ELOVL6: variants seen among roughly 807,000 people sequenced by gnomAD.
ELOVL6 encodes the protein very long chain fatty acid elongase 6.
In ELOVL6, 8 loss-of-function variants were observed where a neutral mutation model predicts 31.7. The ratio of observed to expected loss-of-function variants is 0.25; its 90% CI spans 0.15 to 0.45. ELOVL6 has a LOEUF of 0.45. Among genes scored for constraint, ELOVL6 ranks in the 20% least tolerant of loss-of-function variants. The pLI is 1.00. For synonymous variants in ELOVL6, 101 were observed against 117.7 expected, an observed-to-expected ratio of 0.86 and a Z score of 0.92; for missense variants, 126 against 326.4, an observed-to-expected ratio of 0.39 and a Z score of 4.73.
intron 2 of ELOVL6, among the ~76,000 whole-genome samples, chr4:110,083,382 A>G (rs1403440910): frequency 6.6e-6 from 1 of 151,700 alleles, no homozygotes; most frequent in East Asian, 1.9e-4. Flanking sequence ...CAAGACCTAG[A>G]GAAGAACATA....
At chr4:110,137,342 C>G (rs370718739) in intron 1 of ELOVL6, among the ~76,000 whole-genome samples, 3 of 152,106 alleles carry the variant, frequency 2.0e-5, no homozygotes, top group Non-Finnish European at 4.4e-5. Flanking sequence ...AGTTCATCAT[C>G]GTGACTTACT....
intron 1 of ELOVL6, among the ~76,000 whole-genome samples, chr4:110,116,764 C>T (rs1467107491): frequency 6.6e-6 from 1 of 152,174 alleles, no homozygotes; most frequent in African/African-American, 2.4e-5. Context: ...TTTTATCCTT[C>T]CTCTCTTTTT....
chr4:110,181,608 AG>A (rs894364894), intron 1 of ELOVL6, among the ~76,000 whole-genome samples: 1 of 112,518 alleles, frequency 8.9e-6, no homozygotes, highest in Non-Finnish European at 1.7e-5. Context: ...GATCAACTAC[AG>A]GGTTAACTAA....
At chr4:110,168,484 A>G (rs1285895962) in intron 1 of ELOVL6, among the ~76,000 whole-genome samples, 1 of 151,844 alleles carries the variant, frequency 6.6e-6, no homozygotes, top group Non-Finnish European at 1.5e-5. Flanking sequence ...GTGCCATTGT[A>G]CTCCAGCCTG....
chr4:110,067,541 A>G (rs1002951558), intron 2 of ELOVL6, among the ~76,000 whole-genome samples: 1 of 152,198 alleles, frequency 6.6e-6, no homozygotes, highest in Non-Finnish European at 1.5e-5. Context: ...AGAAGCAAAC[A>G]TGTCCTTCTT....
In ELOVL6 at chr4:110,134,968, G is replaced by T. The variant is rs377190197; in HGVS notation, c.90-29340C>A. Among the ~76,000 whole-genome samples the T allele has an allele frequency of 9.2e-5, 14 of 152,186 alleles. No individual in the cohort carries two copies. In the South Asian group the frequency reaches 2.3e-3, roughly 25 times the overall value. On this transcript the variant is annotated intron_variant, in intron 1 of 3. Coordinates refer to ENST00000302274, the MANE Select transcript of ELOVL6 (RefSeq NM_024090.3). Reference sequence around the variant, plus strand: ...AGGCCCTGTCTCCAGAAAAAAAAGTGATGATGTAGGACATAAGGTGGAAGA... The same window carrying T: ...AGGCCCTGTCTCCAGAAAAAAAAGTTATGATGTAGGACATAAGGTGGAAGA...
chr4:110,059,866 A>G, intron 2 of ELOVL6, 112 bp from the exon 3 acceptor site: 2 of 859,880 alleles, frequency 2.3e-6, no homozygotes, highest in African/African-American at 1.7e-5. Flanking sequence ...CATAAGAATC[A>G]TATTATTTGT....
intron 2 of ELOVL6, among the ~76,000 whole-genome samples, chr4:110,082,627 G>T (rs1755899470): frequency 1.3e-5 from 2 of 152,066 alleles, no homozygotes. Flanking sequence ...GTAGCATTAG[G>T]AGATATACCT....
Position 110,051,284 on chromosome 4 carries a change from G to C in ELOVL6, c.*54C>G. 1 of 1,548,374 alleles carries C rather than the reference G, an allele frequency of 6.5e-7. No homozygotes were observed. The highest frequency in any genetic ancestry group is 1.4e-5 in the African/African-American group (1 of 73,264). On this transcript the variant is annotated 3_prime_UTR_variant, in exon 4 of 4. Coordinates refer to ENST00000302274, the MANE Select transcript of ELOVL6 (RefSeq NM_024090.3). The surrounding 1 kb of genome is among the most constrained non-coding windows in gnomAD (Gnocchi z 4.8). ...GTGATTCCTTGTGCCATTTTCTTTTGTCTATTATTTTTCTTGATGACCCTG... is the reference window on the plus strand; with the variant it reads ...GTGATTCCTTGTGCCATTTTCTTTTCTCTATTATTTTTCTTGATGACCCTG...
intron 1 of ELOVL6, among the ~76,000 whole-genome samples, chr4:110,149,517 C>T (rs1012932389): frequency 6.6e-6 from 1 of 152,142 alleles, no homozygotes; most frequent in African/African-American, 2.4e-5. Context: ...TTAAGTGAAA[C>T]AATTCAGACA....
At chr4:110,062,207 TTGATATCA>T (rs560501301) in intron 2 of ELOVL6, among the ~76,000 whole-genome samples, 1 of 152,240 alleles carries the variant, frequency 6.6e-6, no homozygotes, top group Non-Finnish European at 1.5e-5. Flanking sequence ...GTTGAAGGTT[TTGATATCA>T]TGGTGACCTA....
At chr4:110,113,690 T>C (rs1183036412) in intron 1 of ELOVL6, among the ~76,000 whole-genome samples, 1 of 152,238 alleles carries the variant, frequency 6.6e-6, no homozygotes, top group Non-Finnish European at 1.5e-5. Context: ...ATTTCTAGTT[T>C]CTGTTTTGTT....
Position 110,148,714 on chromosome 4 carries a change from G to A in ELOVL6, c.90-43086C>T, listed in dbSNP as rs142418792. Among the ~76,000 whole-genome samples the A allele has an allele frequency of 1.8e-3, 276 of 152,072 alleles. 1 individual carries two copies. Among genetic ancestry groups the A allele is most frequent in the African/African-American group, 6.5e-3 (268 of 41,492 alleles). ...TTCCATGAAGTGATTATTATACACTGCATGCCTGTATCAAAACATCTCATG... is the reference window on the plus strand; with the variant it reads ...TTCCATGAAGTGATTATTATACACTACATGCCTGTATCAAAACATCTCATG... On this transcript the variant is annotated intron_variant, in intron 1 of 3. Transcript: ENST00000302274.
chr4:110,163,151 G>T (rs1758677318), intron 1 of ELOVL6, among the ~76,000 whole-genome samples: 1 of 152,106 alleles, frequency 6.6e-6, no homozygotes, highest in South Asian at 2.1e-4. Context: ...AGCCTACTTG[G>T]GTGCGAAGCC....
chr4:110,115,629 G>T (rs1056591959), intron 1 of ELOVL6, among the ~76,000 whole-genome samples: 3 of 152,078 alleles, frequency 2.0e-5, no homozygotes, highest in African/African-American at 7.2e-5. Context: ...TTTTGACTGG[G>T]GCTTTCATAC....
intron 2 of ELOVL6, among the ~76,000 whole-genome samples, chr4:110,099,051 C>G (rs779907212): frequency 2.0e-5 from 3 of 152,094 alleles, no homozygotes; most frequent in Non-Finnish European, 4.4e-5. Context: ...TCATTCATGT[C>G]CTCATTCCTT....
chr4:110,172,432 C>G (rs191195715), intron 1 of ELOVL6, among the ~76,000 whole-genome samples: 1 of 152,170 alleles, frequency 6.6e-6, no homozygotes, highest in Non-Finnish European at 1.5e-5. Flanking sequence ...TTATATTCCA[C>G]CTGGGAGCAA....
intron 1 of ELOVL6, among the ~76,000 whole-genome samples, chr4:110,184,849 A>G (rs1163396428): frequency 6.6e-6 from 1 of 152,224 alleles, no homozygotes; most frequent in Admixed American, 6.5e-5. Context: ...GTTTGAGAAG[A>G]CAAACCCAAA....
chr4:110,116,310 T>C (rs1757168290), intron 1 of ELOVL6, among the ~76,000 whole-genome samples: 1 of 152,230 alleles, frequency 6.6e-6, no homozygotes. Context: ...CTAAAACACA[T>C]AGGAGACCCC....
Sources: allele counts gnomAD v4.1 joint callset (sites outside exome capture counted in the v4.1 genomes callset), GRCh38; gene constraint gnomAD v4.1.1; non-coding constraint Gnocchi (gnomAD v3.1); transcripts MANE v1.5; gene names NCBI Gene and HGNC (gene_info 2026-07-23, HGNC 2026-07-21).